The following STOX1 variants were observed in gnomAD, a reference collection of about 807,000 sequenced individuals.
STOX1 encodes the protein storkhead-box protein 1.
In STOX1, 57 loss-of-function variants were observed where a neutral mutation model predicts 74.8. That is an observed-to-expected ratio of 0.76 (90% confidence interval 0.62 to 0.95). The LOEUF (loss-of-function observed/expected upper bound fraction) is 0.95. STOX1 is among the 40% of genes least tolerant of loss of function. The pLI, the probability that STOX1 is intolerant of heterozygous loss-of-function variation, is 0.00. For synonymous variants in STOX1, 375 were observed against 401.3 expected (o/e 0.93, Z 0.78); for missense variants, 1,010 against 1,117.0 (o/e 0.90, Z 1.37).
Position 68,882,091 on chromosome 10 carries a change from T to G in STOX1, c.444T>G (p.Arg148=). The G allele has an allele frequency of 1.9e-6, 3 of 1,613,902 alleles. No homozygotes were observed. The highest frequency in any genetic ancestry group is 2.5e-6 in the Non-Finnish European group (3 of 1,179,894). Residue 148 remains arginine, a synonymous_variant, in exon 2 of 4, where the codon CGT becomes CGG. Coordinates refer to ENST00000298596, the MANE Select transcript of STOX1 (RefSeq NM_152709.5). ...TAACGCAGGAATCACTTTTGGAGCG[T>G]TTGATGAAACATTACCCAGGTAGAG... ...IVVTQESLLE[R]LMKHYPGIAI... is the part of the protein sequence containing the mutation.
Position 68,870,253 on chromosome 10 carries a change from G to A in STOX1, c.311-11705G>A, listed in dbSNP as rs151234866. Among the ~76,000 whole-genome samples, 365 of 152,174 alleles carry A rather than the reference G, an allele frequency of 2.4e-3. 1 individual carries two copies. Among genetic ancestry groups the A allele is most frequent in the Non-Finnish European group, 4.0e-3 (269 of 68,014 alleles). Reference sequence around the variant, plus strand: ...TCTGTTAATCACCATGACTAGACCTGTTAGTCACTGTCATTGCCTTTGTGG... The same window carrying A: ...TCTGTTAATCACCATGACTAGACCTATTAGTCACTGTCATTGCCTTTGTGG... On this transcript the variant is annotated intron_variant, in intron 1 of 3. Coordinates refer to ENST00000298596, the MANE Select transcript of STOX1 (RefSeq NM_152709.5).
intron 1 of STOX1, among the ~76,000 whole-genome samples, chr10:68,862,439 G>T (rs1484540132): frequency 6.6e-6 from 1 of 152,050 alleles, no homozygotes; most frequent in Non-Finnish European, 1.5e-5. Flanking sequence ...AACAGAAAAG[G>T]AGGGTGAACA....
At chr10:68,872,938 G>A (rs536463288) in intron 1 of STOX1, among the ~76,000 whole-genome samples, 104 of 151,866 alleles carry the variant, frequency 6.8e-4, no homozygotes, top group African/African-American at 2.3e-3. Context: ...TCCCCTTAAC[G>A]GTACAGTTTT....
chr10:68,891,488 A>G (rs1841095770), intron 3 of STOX1, among the ~76,000 whole-genome samples: 1 of 152,104 alleles, frequency 6.6e-6, no homozygotes. Flanking sequence ...GAGAGTAGCA[A>G]AGTGGGAAAA....
At chr10:68,893,753 G>GGTGGAGATAGAAT (rs1343238767), downstream of STOX1, among the ~76,000 whole-genome samples, 3 of 152,188 alleles carry the variant, frequency 2.0e-5, no homozygotes, top group Non-Finnish European at 4.4e-5. Flanking sequence ...GAAGTCAGAT[G>GGTGGAGATAGAAT]GTGGAGATAG....
At position 68,827,564 on chromosome 10, in the gene STOX1, G is replaced by A. The variant is rs147494991; in HGVS notation, c.-60G>A. 1.5e-3 allele frequency: 1,603 copies of A among 1,064,440 alleles called. 16 individuals carry two copies. The African/African-American group carries it at 0.025, about 17-fold the overall frequency. 65.9% of individuals were successfully genotyped at this position (1,064,440 alleles called of 1,614,324 possible). Reference sequence around the variant, plus strand: ...CCGATCCTCCCGCCGAGCGAGCGGCGTCGTAGCCGCCGCGCTCGCCGAGGC... The same window carrying A: ...CCGATCCTCCCGCCGAGCGAGCGGCATCGTAGCCGCCGCGCTCGCCGAGGC... On this transcript the variant is annotated 5_prime_UTR_variant, in exon 1 of 4. Coordinates refer to ENST00000298596, the MANE Select transcript of STOX1 (RefSeq NM_152709.5).
chr10:68,865,377 C>T (rs556300166), intron 1 of STOX1, among the ~76,000 whole-genome samples: 6 of 152,316 alleles, frequency 3.9e-5, no homozygotes, highest in African/African-American at 1.2e-4. Context: ...TGGCCGGGCG[C>T]AGTGGCTCAC....
chr10:68,885,754 C>T lies in STOX1; in HGVS notation c.1958C>T (p.Pro653Leu). The T allele has an allele frequency of 1.2e-6, 2 of 1,614,094 alleles. No individual in the cohort carries two copies. Among genetic ancestry groups the T allele is most frequent in the Non-Finnish European group, 1.7e-6 (2 of 1,180,026 alleles). The change falls in exon 3 of 4, where the codon CCC (proline) becomes CTC (leucine). Residue 653 changes from proline to leucine, a missense_variant. Transcript: ENST00000298596. Reference sequence around the variant, plus strand: ...GGTGCCTCCTTTTCAGACCGAACACCCTCTGCTTGTAGATTAGTGGATAAC... The same window carrying T: ...GGTGCCTCCTTTTCAGACCGAACACTCTCTGCTTGTAGATTAGTGGATAAC... ...SRGASFSDRT[P>L]SACRLVDNTI...
chr10:68,867,794 C>G (rs867800498), intron 1 of STOX1, among the ~76,000 whole-genome samples: 1 of 152,212 alleles, frequency 6.6e-6, no homozygotes, highest in Admixed American at 6.5e-5. Flanking sequence ...TTTTTGAGTG[C>G]ACTGCCTACC....
At chr10:68,842,025 T>C (rs1002514356) in intron 1 of STOX1, among the ~76,000 whole-genome samples, 4 of 152,054 alleles carry the variant, frequency 2.6e-5, no homozygotes, top group African/African-American at 9.7e-5. Flanking sequence ...TGGAGGATCA[T>C]GGAAAGAACA....
chr10:68,875,859 GATTCTAACATTGTCTGCTAC>G (rs1261771510), intron 1 of STOX1, among the ~76,000 whole-genome samples: 1 of 152,074 alleles, frequency 6.6e-6, no homozygotes, highest in Non-Finnish European at 1.5e-5. Context: ...ACAGGAGGCT[GATTCTAACATTGTCTGCTAC>G]AAGGGCCTGC....
intron 1 of STOX1, among the ~76,000 whole-genome samples, chr10:68,832,770 GT>G (rs1326936477): frequency 1.3e-5 from 2 of 151,644 alleles, no homozygotes; most frequent in South Asian, 2.1e-4. Flanking sequence ...TCTGTGTTTT[GT>G]TTTTTGTTTT....
intron 1 of STOX1, among the ~76,000 whole-genome samples, chr10:68,868,447 C>T (rs183381134): frequency 1.5e-3 from 234 of 152,356 alleles, no homozygotes; most frequent in African/African-American, 5.0e-3. Flanking sequence ...AGCGGTTTTC[C>T]ACCCTGGGTG....
intron 1 of STOX1, among the ~76,000 whole-genome samples, chr10:68,852,632 G>A (rs1435360307): frequency 6.6e-6 from 1 of 150,978 alleles, no homozygotes; most frequent in Non-Finnish European, 1.5e-5. Flanking sequence ...TGCCCAGGCT[G>A]TAGCGCAGTC....
chr10:68,863,663 G>A (rs1413309539), intron 1 of STOX1, among the ~76,000 whole-genome samples: 3 of 152,098 alleles, frequency 2.0e-5, no homozygotes, highest in Non-Finnish European at 4.4e-5. Flanking sequence ...TGTGAGTGAT[G>A]TAAAAAAGGG....
chr10:68,837,863 A>G (rs968017310), intron 1 of STOX1, among the ~76,000 whole-genome samples: 1 of 152,212 alleles, frequency 6.6e-6, no homozygotes, highest in African/African-American at 2.4e-5. Context: ...ATAAGATACC[A>G]TCTATGCAAA....
chr10:68,892,457 A>T, intron 3 of STOX1, 132 bp from the exon 4 acceptor site: 1 of 830,094 alleles, frequency 1.2e-6, no homozygotes, highest in Non-Finnish European at 1.9e-6. Flanking sequence ...TTTAAAGGTT[A>T]ACTTATTTGA....
intron 1 of STOX1, among the ~76,000 whole-genome samples, chr10:68,830,987 T>C (rs1161308246): frequency 6.6e-6 from 1 of 152,154 alleles, no homozygotes; most frequent in African/African-American, 2.4e-5. Context: ...AGAAGCTGCT[T>C]TCCCCAAAAG....
chr10:68,851,337 G>T (rs951543877), intron 1 of STOX1, among the ~76,000 whole-genome samples: 1 of 151,676 alleles, frequency 6.6e-6, no homozygotes, highest in Non-Finnish European at 1.5e-5. Flanking sequence ...TGGAGAAAGG[G>T]AGATTCTAGG....
Sources: gnomAD v4.1 joint callset for allele counts (sites outside exome capture counted in the v4.1 genomes callset) on GRCh38, gnomAD v4.1.1 for gene constraint, MANE v1.5 for transcripts, NCBI Gene and HGNC (gene_info 2026-07-23, HGNC 2026-07-21) for gene names.